Variants in SIM2 observed in about 807,000 individuals in gnomAD.
SIM2 encodes the protein SIM bHLH transcription factor 2, also known as single-minded homolog 2.
Under a neutral mutation model 64.8 loss-of-function variants are expected in SIM2, and 28 were observed. The ratio of observed to expected loss-of-function variants is 0.43; its 90% CI spans 0.32 to 0.59. SIM2 has a LOEUF of 0.59. Among genes scored for constraint, SIM2 ranks in the 20% least tolerant of loss-of-function variants. The pLI is 0.07. For missense variants in SIM2, 847 were observed against 871.4 expected, an observed-to-expected ratio of 0.97 and a Z score of 0.35; for synonymous variants, 408 against 391.1, an observed-to-expected ratio of 1.04 and a Z score of -0.51.
chr21:36,715,326 T>C (rs1439892515), intron 3 of SIM2, among the ~76,000 whole-genome samples: 1 of 152,236 alleles, frequency 6.6e-6, no homozygotes, highest in Non-Finnish European at 1.5e-5. Context: ...AATAAAGTAT[T>C]GAATAGGATG....
At position 36,719,816 on chromosome 21, in the gene SIM2, G is replaced by C. The variant is rs1202188324; in HGVS notation, c.349-5G>C. 1.9e-6 allele frequency: 3 copies of C among 1,586,092 alleles called. No individual in the cohort carries two copies. Among genetic ancestry groups the C allele is most frequent in the African/African-American group, 1.3e-5 (1 of 74,312 alleles). ...GGCATTTCTGACCCTTCCCTTCCACGGCAGGTGGAGCTCACGGGCAACAGT... is the reference window on the plus strand; with the variant it reads ...GGCATTTCTGACCCTTCCCTTCCACCGCAGGTGGAGCTCACGGGCAACAGT... On this transcript the variant is annotated splice_polypyrimidine_tract_variant and splice_region_variant and intron_variant, in intron 3 of 10. Coordinates refer to ENST00000290399, the MANE Select transcript of SIM2 (RefSeq NM_005069.6).
At chr21:36,746,052 A>C (rs1286033033) in intron 10 of SIM2, 3 of 1,091,736 alleles carry the variant, frequency 2.7e-6, no homozygotes, top group Non-Finnish European at 3.5e-6. Context: ...TCAGTGGCTC[A>C]CACCTGTAAT....
intron 5 of SIM2, among the ~76,000 whole-genome samples, chr21:36,723,490 G>A (rs895265669): frequency 1.1e-4 from 16 of 152,172 alleles, no homozygotes; most frequent in African/African-American, 3.9e-4. Context: ...TCCAGAGCAC[G>A]GACACTGCCC....
At chr21:36,741,494 C>T (rs2123499374) in intron 7 of SIM2, among the ~76,000 whole-genome samples, 1 of 152,356 alleles carries the variant, frequency 6.6e-6, no homozygotes, top group East Asian at 1.9e-4. Context: ...GGTGGGAACT[C>T]CTTGAAGCTG....
chr21:36,714,285 AT>A (rs1050072250), intron 3 of SIM2, among the ~76,000 whole-genome samples: 2 of 152,220 alleles, frequency 1.3e-5, no homozygotes, highest in African/African-American at 4.8e-5. Flanking sequence ...ACAACAAAAC[AT>A]TTCACACACT....
rs372019210 is a variant in SIM2, at chr21:36,709,258, G to T, written c.258+8G>T. The stretch of plus-strand genomic sequence containing the variant: ...GGATCGCACTTGCTGCAGGTAGAGC[G>T]GCCTCGCCGGGGGAGGAGCGCAGCC... On this transcript the variant is annotated splice_region_variant and intron_variant, in intron 2 of 10. Transcript: ENST00000290399. 7 of 1,586,858 alleles carry T rather than the reference G, an allele frequency of 4.4e-6. No individual in the cohort carries two copies. Among genetic ancestry groups the T allele is most frequent in the Non-Finnish European group, 6.0e-6 (7 of 1,167,682 alleles).
At chr21:36,740,536 G>C (rs1257236250) in intron 7 of SIM2, among the ~76,000 whole-genome samples, 2 of 152,136 alleles carry the variant, frequency 1.3e-5, no homozygotes, top group Non-Finnish European at 2.9e-5. Flanking sequence ...ACTCCGTGCA[G>C]CATTTTCTTT....
chr21:36,711,156 G>T (rs1448971094), intron 2 of SIM2, among the ~76,000 whole-genome samples: 1 of 152,126 alleles, frequency 6.6e-6, no homozygotes, highest in Non-Finnish European at 1.5e-5. Context: ...GCTACTGCTG[G>T]CAACTTTTAG....
Position 36,699,987 on chromosome 21 carries a change from G to A in SIM2, c.175+66G>A. On this transcript the variant is annotated intron_variant, in intron 1 of 10. Transcript: ENST00000290399. The surrounding 1 kb of genome is among the most constrained non-coding windows in gnomAD (Gnocchi z 5.6). ...GGCGGCCCCGGCCCAGGCGGGAAGC[G>A]CAAGCCAGCCCGCCCAGAGGGGTTG... 1.3e-6 allele frequency: 2 copies of A among 1,486,510 alleles called. No homozygotes were observed. The highest frequency in any genetic ancestry group is 1.8e-6 in the Non-Finnish European group (2 of 1,113,410). 92.1% of individuals were successfully genotyped at this position (1,486,510 alleles called of 1,614,324 possible).
intron 7 of SIM2, among the ~76,000 whole-genome samples, chr21:36,736,110 T>C (rs927602129): frequency 2.4e-4 from 36 of 152,202 alleles, no homozygotes; most frequent in African/African-American, 8.2e-4. Context: ...CCCTTCCATC[T>C]GCCACAACCG....
At chr21:36,730,023 A>G (rs573292923) in intron 6 of SIM2, among the ~76,000 whole-genome samples, 1 of 152,190 alleles carries the variant, frequency 6.6e-6, no homozygotes, top group East Asian at 1.9e-4. Flanking sequence ...TAGTCACAAT[A>G]TCTTAGGGCG....
chr21:36,739,020 C>T (rs1384787014), intron 7 of SIM2, among the ~76,000 whole-genome samples: 1 of 152,192 alleles, frequency 6.6e-6, no homozygotes, highest in Non-Finnish European at 1.5e-5. Flanking sequence ...TTCCTGCCTC[C>T]CAACCCCCAC....
intron 3 of SIM2, among the ~76,000 whole-genome samples, chr21:36,718,648 C>T (rs1314388490): frequency 1.3e-5 from 2 of 152,200 alleles, no homozygotes; most frequent in African/African-American, 4.8e-5. Context: ...TGGGACTCCC[C>T]TTGGTGGTGG....
Position 36,745,305 on chromosome 21 carries a change from G to T in SIM2, c.1576+169G>T. The T allele has an allele frequency of 1.4e-6, 2 of 1,450,600 alleles. No homozygotes were observed. Among genetic ancestry groups the T allele is most frequent in the East Asian group, 2.5e-5 (1 of 39,854 alleles). The allele number at this position is 1,450,600 out of a possible 1,614,324, so 89.9% of individuals were successfully genotyped here. On this transcript the variant is annotated intron_variant, in intron 10 of 10. Transcript: ENST00000290399. The surrounding 1 kb of genome is among the most constrained non-coding windows in gnomAD (Gnocchi z 4.8). ...CTGTGCTTTCTTGCTCTCAATGCAG[G>T]TGCTCCTCGAGAGTGAGAAATGGCA... is the stretch of plus-strand genomic sequence containing the variant.
Position 36,731,281 on chromosome 21 carries a change from C to T in SIM2, c.850+130C>T, listed in dbSNP as rs114671311. Reference sequence around the variant, plus strand: ...ATGATACACACTTGAATCTCAAGCCCCAAGTGTGGCTTCCTCCACCCCGTG... The same window carrying T: ...ATGATACACACTTGAATCTCAAGCCTCAAGTGTGGCTTCCTCCACCCCGTG... On this transcript the variant is annotated intron_variant, in intron 7 of 10. Coordinates refer to ENST00000290399, the MANE Select transcript of SIM2 (RefSeq NM_005069.6). 6,930 of 640,978 alleles carry T rather than the reference C, an allele frequency of 0.011. 337 individuals are homozygous for T. The African/African-American group carries it at 0.11, about 10-fold the overall frequency. The allele number at this position is 640,978 out of a possible 1,614,324, so 39.7% of individuals were successfully genotyped here.
Position 36,699,985 on chromosome 21 carries a change from G to C in SIM2, c.175+64G>C. On this transcript the variant is annotated intron_variant, in intron 1 of 10. Coordinates refer to ENST00000290399, the MANE Select transcript of SIM2 (RefSeq NM_005069.6). This position sits in a 1 kb window ranked among gnomAD's most constrained non-coding sequence, Gnocchi z 5.6. Reference sequence around the variant, plus strand: ...CCGGCGGCCCCGGCCCAGGCGGGAAGCGCAAGCCAGCCCGCCCAGAGGGGT... The same window carrying C: ...CCGGCGGCCCCGGCCCAGGCGGGAACCGCAAGCCAGCCCGCCCAGAGGGGT... 1 of 1,490,698 alleles carries C rather than the reference G, an allele frequency of 6.7e-7. No individual in the cohort carries two copies. The highest frequency in any genetic ancestry group is 1.3e-5 in the South Asian group (1 of 77,872). 92.3% of individuals were successfully genotyped at this position (1,490,698 alleles called of 1,614,324 possible).
In SIM2 at chr21:36,745,648, A is replaced by G. The variant is rs866658239; in HGVS notation, c.1576+512A>G. The G allele has an allele frequency of 3.4e-6, 4 of 1,163,016 alleles. No homozygotes were observed. Among genetic ancestry groups the G allele is most frequent in the Middle Eastern group, 2.4e-4 (1 of 4,128 alleles). The allele number at this position is 1,163,016 out of a possible 1,614,324, so 72.0% of individuals were successfully genotyped here. On this transcript the variant is annotated intron_variant, in intron 10 of 10. Transcript: ENST00000290399. This position sits in a 1 kb window ranked among gnomAD's most constrained non-coding sequence, Gnocchi z 4.8. ...TCACCAACCCAGGGCAAAGAACACA[A>G]ACCCTCCAGGCCTCAGTTTCTTCAC... is the stretch of plus-strand genomic sequence containing the variant.
intron 2 of SIM2, among the ~76,000 whole-genome samples, chr21:36,711,734 G>A (rs1181221783): frequency 6.6e-6 from 1 of 152,172 alleles, no homozygotes; most frequent in South Asian, 2.1e-4. Context: ...AAATATGAAT[G>A]AGTAAATAAA....
Position 36,745,201 on chromosome 21 carries a change from T to C in SIM2, c.1576+65T>C, listed in dbSNP as rs754216148. 6.5e-7 allele frequency: 1 copy of C among 1,533,146 alleles called. No individual in the cohort carries two copies. The highest frequency in any genetic ancestry group is 8.8e-7 in the Non-Finnish European group (1 of 1,138,748). The allele number at this position is 1,533,146 out of a possible 1,614,324, so 95.0% of individuals were successfully genotyped here. ...GCACGGCCGGGAGCCGAAGCAGCCATGGCGGTGGGTGGCAGATGGAGACAG... is the reference window on the plus strand; with the variant it reads ...GCACGGCCGGGAGCCGAAGCAGCCACGGCGGTGGGTGGCAGATGGAGACAG... On this transcript the variant is annotated intron_variant, in intron 10 of 10. Coordinates refer to ENST00000290399, the MANE Select transcript of SIM2 (RefSeq NM_005069.6). This position sits in a 1 kb window ranked among gnomAD's most constrained non-coding sequence, Gnocchi z 4.8.
Sources: gnomAD v4.1 joint callset for allele counts (sites outside exome capture counted in the v4.1 genomes callset) on GRCh38, gnomAD v4.1.1 for gene constraint, Gnocchi (gnomAD v3.1) non-coding constraint, MANE v1.5 for transcripts, NCBI Gene and HGNC (gene_info 2026-07-23, HGNC 2026-07-21) for gene names.